Variants in RAPGEF5 observed in about 807,000 individuals in gnomAD.
RAPGEF5 encodes the protein Rap guanine nucleotide exchange factor 5.
RAPGEF5 carries 65 observed loss-of-function variants against 125.2 expected under a neutral mutation model. The observed-to-expected ratio is 0.52, with a 90% CI of 0.43 to 0.64. The LOEUF is 0.64. Among genes scored for constraint, RAPGEF5 ranks in the 30% least tolerant of loss-of-function variants. The pLI, the probability that RAPGEF5 is intolerant of heterozygous loss-of-function variation, is 0.00. For synonymous variants in RAPGEF5, 391 were observed against 385.9 expected (o/e 1.01, Z -0.16); for missense variants, 958 against 1,048.1 (o/e 0.91, Z 1.19).
chr7:22,232,687 C>T (rs1261648668), intron 7 of RAPGEF5, among the ~76,000 whole-genome samples: 1 of 152,056 alleles, frequency 6.6e-6, no homozygotes, highest in Non-Finnish European at 1.5e-5. Context: ...GTACTTTTTG[C>T]TTTTGTATGC....
chr7:22,267,787 G>A (rs1333569228), intron 6 of RAPGEF5, among the ~76,000 whole-genome samples: 3 of 151,656 alleles, frequency 2.0e-5, no homozygotes, highest in Admixed American at 6.6e-5. Context: ...CCATAATGAG[G>A]AAGCTCTCTC....
intron 11 of RAPGEF5, chr7:22,191,741 T>C (rs1178887426): frequency 6.6e-6 from 3 of 457,254 alleles, no homozygotes; most frequent in African/African-American, 6.0e-5. Flanking sequence ...ATAAGGGTGA[T>C]TTGTCATTCT....
chr7:22,193,601 CCGCGG>C, intron 10 of RAPGEF5, 146 bp from the exon 11 acceptor site: 2 of 1,550,950 alleles, frequency 1.3e-6, no homozygotes, highest in Non-Finnish European at 1.7e-6. Context: ...TCTGAGAGCG[CCGCGG>C]CGGAATCTTT....
At chr7:22,264,057 T>C (rs1200220685) in intron 7 of RAPGEF5, among the ~76,000 whole-genome samples, 1 of 152,210 alleles carries the variant, frequency 6.6e-6, no homozygotes, top group Admixed American at 6.5e-5. Flanking sequence ...AAACATCATT[T>C]TAAAAGCTGT....
chr7:22,244,319 C>A (rs115093458), intron 7 of RAPGEF5, among the ~76,000 whole-genome samples: 134 of 152,238 alleles, frequency 8.8e-4, no homozygotes, highest in Middle Eastern at 6.8e-3. Context: ...CTTCAACCCC[C>A]ACGCCACGGA....
intron 13 of RAPGEF5, among the ~76,000 whole-genome samples, chr7:22,161,537 A>AAC (rs369030719): frequency 0.094 from 12,812 of 135,910 alleles, 800 homozygotes; most frequent in African/African-American, 0.18. Flanking sequence ...ACCCTGTCTC[A>AAC]ACACACACAC....
chr7:22,297,591 C>T (rs1783091266), intron 5 of RAPGEF5, among the ~76,000 whole-genome samples: 1 of 152,236 alleles, frequency 6.6e-6, no homozygotes, highest in African/African-American at 2.4e-5. Flanking sequence ...AACGAACCAC[C>T]TCTTCCATCT....
At chr7:22,148,416 A>AT (rs1768563913) in intron 18 of RAPGEF5, among the ~76,000 whole-genome samples, 1 of 152,168 alleles carries the variant, frequency 6.6e-6, no homozygotes, top group African/African-American at 2.4e-5. Flanking sequence ...GGAACATTAA[A>AT]TTTTTCTATC....
At chr7:22,203,499 G>T (rs1785327094) in intron 9 of RAPGEF5, among the ~76,000 whole-genome samples, 1 of 152,182 alleles carries the variant, frequency 6.6e-6, no homozygotes. Context: ...TGGCATGACT[G>T]GAATATACAC....
intron 25 of RAPGEF5, among the ~76,000 whole-genome samples, chr7:22,124,700 A>C (rs561877125): frequency 6.6e-5 from 10 of 152,364 alleles, no homozygotes; most frequent in African/African-American, 1.9e-4. Flanking sequence ...CTTACTTAAA[A>C]AATGAAGTTG....
intron 1 of RAPGEF5, among the ~76,000 whole-genome samples, chr7:22,340,166 G>T (rs566751717): frequency 2.0e-4 from 30 of 152,276 alleles, no homozygotes; most frequent in African/African-American, 7.0e-4. Context: ...CTGATGGTTT[G>T]GTGCCAGGAT....
chr7:22,162,310 T>TAGTAGA (rs1784027643), intron 13 of RAPGEF5, 87 bp downstream of exon 13: 1 of 1,363,718 alleles, frequency 7.3e-7, no homozygotes, highest in African/African-American at 1.5e-5. Flanking sequence ...TGAATGACTG[T>TAGTAGA]TACCTACAAA....
chr7:22,251,780 A>AAAAAAAAAAG (rs1786628911), intron 7 of RAPGEF5, among the ~76,000 whole-genome samples: 1 of 147,708 alleles, frequency 6.8e-6, no homozygotes, highest in Non-Finnish European at 1.5e-5. Flanking sequence ...ATTGACAAAA[A>AAAAAAAAAAG]AAAAAAAAAA....
At position 22,121,134 on chromosome 7, in the gene RAPGEF5, C is replaced by T. The variant is rs1449976158; in HGVS notation, c.*1272G>A. The T allele has an allele frequency of 6.6e-6, 1 of 150,618 alleles. No homozygotes were observed. Among genetic ancestry groups the T allele is most frequent in the Non-Finnish European group, 1.5e-5 (1 of 67,892 alleles). 9.3% of individuals were successfully genotyped at this position (150,618 alleles called of 1,614,324 possible). On this transcript the variant is annotated 3_prime_UTR_variant, in exon 26 of 26. Transcript: ENST00000665637. ...GTGAAGGTTGAAAGAAATCCTCTAA[C>T]CAGTCCTTGAAAATATCAAGAGGTC...
intron 16 of RAPGEF5, 106 bp from the exon 17 acceptor site, chr7:22,154,710 G>T (rs78900207): frequency 0.022 from 27,940 of 1,272,376 alleles, 405 homozygotes; most frequent in Middle Eastern, 0.055. Context: ...CAACCCACCT[G>T]GCTATTCTCT....
chr7:22,184,120 T>G (rs1784758551), intron 11 of RAPGEF5, among the ~76,000 whole-genome samples: 1 of 152,252 alleles, frequency 6.6e-6, no homozygotes, highest in Admixed American at 6.5e-5. Flanking sequence ...CGAAGCCAAC[T>G]GTAGTTTCCC....
intron 23 of RAPGEF5, among the ~76,000 whole-genome samples, chr7:22,131,563 T>A (rs1428069989): frequency 6.6e-6 from 1 of 152,194 alleles, no homozygotes; most frequent in Non-Finnish European, 1.5e-5. Flanking sequence ...AAGATATAGA[T>A]TTAGATGTTT....
chr7:22,295,540 G>A (rs758382425), intron 5 of RAPGEF5, among the ~76,000 whole-genome samples: 1 of 152,090 alleles, frequency 6.6e-6, no homozygotes, highest in Non-Finnish European at 1.5e-5. Flanking sequence ...TAAGCAATCT[G>A]TTCCCACACC....
chr7:22,334,827 T>C (rs1783994924), intron 1 of RAPGEF5, among the ~76,000 whole-genome samples: 2 of 152,224 alleles, frequency 1.3e-5, no homozygotes, highest in Non-Finnish European at 2.9e-5. Flanking sequence ...ATCCAGCTTT[T>C]ACATTTGTAA....
Sources: allele counts gnomAD v4.1 joint callset (sites outside exome capture counted in the v4.1 genomes callset), GRCh38; gene constraint gnomAD v4.1.1; transcripts MANE v1.5; gene names NCBI Gene and HGNC (gene_info 2026-07-23, HGNC 2026-07-21).